Variants in CPQ observed in about 807,000 individuals in gnomAD.
CPQ encodes the protein carboxypeptidase Q.
A neutral mutation model predicts 45.7 loss-of-function variants in CPQ; 37 were observed. The ratio of observed to expected loss-of-function variants is 0.81; its 90% CI spans 0.62 to 1.07. CPQ has a LOEUF of 1.07. CPQ is among the 50% of genes least tolerant of loss of function. CPQ has a pLI of 0.00. For synonymous variants in CPQ, 186 were observed against 205.8 expected (o/e 0.90, Z 0.82); for missense variants, 537 against 572.9 (o/e 0.94, Z 0.64).
chr8:96,987,407 GA>G (rs1809005065), intron 5 of CPQ, among the ~76,000 whole-genome samples: 1 of 152,104 alleles, frequency 6.6e-6, no homozygotes, highest in Non-Finnish European at 1.5e-5. Context: ...CAGAAACACA[GA>G]AATGATAAGG....
chr8:96,716,515 A>G (rs1206311266), intron 1 of CPQ, among the ~76,000 whole-genome samples: 3 of 152,078 alleles, frequency 2.0e-5, no homozygotes, highest in Non-Finnish European at 4.4e-5. Context: ...AAAGTCCACT[A>G]TATCACTCTT....
At chr8:96,847,722 T>C (rs1196210493) in intron 3 of CPQ, among the ~76,000 whole-genome samples, 1 of 152,092 alleles carries the variant, frequency 6.6e-6, no homozygotes, top group Non-Finnish European at 1.5e-5. Context: ...GTATAGAATA[T>C]GCAAATAAAG....
chr8:96,767,895 C>T (rs531265182), intron 1 of CPQ, among the ~76,000 whole-genome samples: 2 of 152,096 alleles, frequency 1.3e-5, no homozygotes, highest in Non-Finnish European at 2.9e-5. Context: ...CCACCCACCT[C>T]GGCCTTCCAA....
intron 4 of CPQ, among the ~76,000 whole-genome samples, chr8:96,928,986 T>C (rs1421647914): frequency 6.6e-6 from 1 of 152,176 alleles, no homozygotes; most frequent in Non-Finnish European, 1.5e-5. Flanking sequence ...AACCTATATA[T>C]TTAAAAAATT....
chr8:97,130,529 A>T (rs1811935336), intron 7 of CPQ, among the ~76,000 whole-genome samples: 1 of 151,492 alleles, frequency 6.6e-6, no homozygotes, highest in Admixed American at 6.6e-5. Flanking sequence ...GGCTACTGAG[A>T]ATAATCACTG....
intron 5 of CPQ, among the ~76,000 whole-genome samples, chr8:96,969,699 C>T (rs1172632991): frequency 6.6e-6 from 1 of 152,006 alleles, no homozygotes; most frequent in Non-Finnish European, 1.5e-5. Flanking sequence ...TAGGGGGAGA[C>T]AGGAGTTGTG....
At chr8:97,036,220 A>G (rs1031944005) in intron 6 of CPQ, among the ~76,000 whole-genome samples, 9 of 152,162 alleles carry the variant, frequency 5.9e-5, no homozygotes, top group Non-Finnish European at 1.2e-4. Context: ...TTGAAACTCA[A>G]CTGGAGCCCA....
chr8:96,801,938 T>C (rs905512099), intron 2 of CPQ, among the ~76,000 whole-genome samples: 1 of 152,208 alleles, frequency 6.6e-6, no homozygotes, highest in Non-Finnish European at 1.5e-5. Flanking sequence ...TTATAATAAG[T>C]ATTGAGCTTA....
intron 1 of CPQ, among the ~76,000 whole-genome samples, chr8:96,723,832 A>G (rs1330374007): frequency 6.6e-6 from 1 of 152,172 alleles, no homozygotes; most frequent in Non-Finnish European, 1.5e-5. Context: ...AACTAACTCT[A>G]AAGTGATTAT....
chr8:96,849,794 G>C lies in CPQ; in HGVS notation c.641+14614G>C, dbSNP rs1330569276. Among the ~76,000 whole-genome samples, 6 of 152,058 alleles carry C rather than the reference G, an allele frequency of 3.9e-5. No homozygotes were observed. In the East Asian group the frequency reaches 9.6e-4, roughly 24 times the overall value. On this transcript the variant is annotated intron_variant, in intron 3 of 7. Transcript: ENST00000220763. ...TCCAGTTTTTGGTGGCTTGGCACTT[G>C]GAATTCTTTACAAGCACTTTCTTTC...
At chr8:96,768,101 C>A (rs940051057) in intron 1 of CPQ, among the ~76,000 whole-genome samples, 1 of 152,052 alleles carries the variant, frequency 6.6e-6, no homozygotes, top group African/African-American at 2.4e-5. Context: ...TGCCGTGAAA[C>A]ATCTGCTGTA....
At chr8:96,649,458 T>C (rs1815554033) in intron 1 of CPQ, among the ~76,000 whole-genome samples, 1 of 152,176 alleles carries the variant, frequency 6.6e-6, no homozygotes, top group Non-Finnish European at 1.5e-5. Context: ...TAAACTAAGA[T>C]AGGTTTGAGA....
At chr8:97,112,474 G>A (rs1330787916) in intron 7 of CPQ, among the ~76,000 whole-genome samples, 1 of 152,188 alleles carries the variant, frequency 6.6e-6, no homozygotes, top group Non-Finnish European at 1.5e-5. Context: ...ATGGGTGGGG[G>A]CACCCAGCAA....
At chr8:96,688,732 C>A (rs1382020519) in intron 1 of CPQ, among the ~76,000 whole-genome samples, 1 of 152,066 alleles carries the variant, frequency 6.6e-6, no homozygotes, top group African/African-American at 2.4e-5. Flanking sequence ...TGTTGCTTGA[C>A]TTACCAGTTT....
chr8:97,082,145 G>T (rs1810960609), intron 7 of CPQ, among the ~76,000 whole-genome samples: 1 of 152,170 alleles, frequency 6.6e-6, no homozygotes, highest in African/African-American at 2.4e-5. Context: ...TTTGGCCTCA[G>T]ATTTTGGCAT....
chr8:97,077,056 T>G (rs1810858385), intron 7 of CPQ, among the ~76,000 whole-genome samples: 1 of 152,226 alleles, frequency 6.6e-6, no homozygotes, highest in African/African-American at 2.4e-5. Flanking sequence ...GATACATTTA[T>G]AGTACCGTAC....
chr8:96,851,536 T>C (rs1440588284), intron 3 of CPQ, among the ~76,000 whole-genome samples: 5 of 152,232 alleles, frequency 3.3e-5, no homozygotes, highest in Non-Finnish European at 7.3e-5. Flanking sequence ...GGAGGAACGC[T>C]GTGTCCTCAC....
At chr8:97,085,350 C>G (rs1811022670) in intron 7 of CPQ, among the ~76,000 whole-genome samples, 1 of 152,000 alleles carries the variant, frequency 6.6e-6, no homozygotes, top group Admixed American at 6.6e-5. Flanking sequence ...TGCCACTGCA[C>G]TCCAGCCTGG....
chr8:96,850,563 TTTTTATTTTA>T (rs1270668092), intron 3 of CPQ, among the ~76,000 whole-genome samples: 23 of 146,884 alleles, frequency 1.6e-4, no homozygotes, highest in Non-Finnish European at 2.4e-4. Flanking sequence ...CTGATTTTTA[TTTTTATTTTA>T]TTTTATTTTA....
Sources: gnomAD v4.1 joint callset for allele counts (sites outside exome capture counted in the v4.1 genomes callset) on GRCh38, gnomAD v4.1.1 for gene constraint, MANE v1.5 for transcripts, NCBI Gene and HGNC (gene_info 2026-07-23, HGNC 2026-07-21) for gene names.